The following GNPTAB variants were observed in gnomAD, a reference collection of about 807,000 sequenced individuals.
GNPTAB encodes the protein N-acetylglucosamine-1-phosphate transferase subunits alpha and beta, also known as N-acetylglucosamine-1-phosphotransferase subunits alpha/beta.
In GNPTAB, 92 loss-of-function variants were observed where a neutral mutation model predicts 136.6. The observed-to-expected ratio is 0.67, with a 90% confidence interval of 0.57 to 0.80. The LOEUF (loss-of-function observed/expected upper bound fraction) is 0.80. GNPTAB is among the 30% of genes least tolerant of loss of function. GNPTAB has a pLI of 0.00. For synonymous variants in GNPTAB, 512 were observed against 535.1 expected (o/e 0.96, Z 0.60); for missense variants, 1,343 against 1,501.8 (o/e 0.89, Z 1.75).
chr12:101,777,997 T>G (rs778521007), intron 7 of GNPTAB, among the ~76,000 whole-genome samples: 5 of 152,170 alleles, frequency 3.3e-5, no homozygotes, highest in Non-Finnish European at 5.9e-5. Context: ...CAAATAAATC[T>G]CTGACTGGGA....
chr12:101,818,316 AC>A (rs1299514372), intron 1 of GNPTAB, among the ~76,000 whole-genome samples: 1 of 149,816 alleles, frequency 6.7e-6, no homozygotes, highest in Non-Finnish European at 1.5e-5. Flanking sequence ...TTGCCTGTCC[AC>A]CTCCCTGCCT....
In GNPTAB at chr12:101,770,495, A is replaced by AT. The variant is rs1483442512; in HGVS notation, c.1023dup (p.Trp342MetfsTer20). 1 of 1,613,348 alleles carries AT rather than the reference A, an allele frequency of 6.2e-7. No homozygotes were observed. The highest frequency in any genetic ancestry group is 1.3e-5 in the African/African-American group (1 of 74,916). On this transcript the variant is annotated frameshift_variant, in exon 9 of 21. Transcript: ENST00000299314. LOFTEE classifies it high-confidence loss of function. ...GTGACAATGAAAATATTCCGAACCC[A>AT]TGGTGCATGCCTCTCGATAGATCGC...
chr12:101,825,084 C>A (rs1252184492), intron 1 of GNPTAB, among the ~76,000 whole-genome samples: 3 of 152,216 alleles, frequency 2.0e-5, no homozygotes, highest in African/African-American at 7.2e-5. Context: ...CCACAACATT[C>A]TTCTGTCTTC....
chr12:101,795,556 C>A (rs1254194187), intron 2 of GNPTAB, among the ~76,000 whole-genome samples: 1 of 152,042 alleles, frequency 6.6e-6, no homozygotes, highest in Admixed American at 6.6e-5. Context: ...AGTTTGAGAC[C>A]AGCCTGGACA....
chr12:101,760,208 T>C (rs1952972711), intron 15 of GNPTAB, 65 bp from the exon 16 acceptor site: 3 of 1,036,606 alleles, frequency 2.9e-6, no homozygotes, highest in Non-Finnish European at 3.0e-6. Context: ...GTTTTAAAAA[T>C]AAAAATTAAG....
intron 18 of GNPTAB, 68 bp from the exon 19 acceptor site, chr12:101,753,607 T>C (rs1267561812): frequency 7.9e-7 from 1 of 1,261,850 alleles, no homozygotes; most frequent in East Asian, 2.3e-5. Flanking sequence ...AACAAGGATG[T>C]GGATTCCAAA....
intron 1 of GNPTAB, among the ~76,000 whole-genome samples, chr12:101,824,432 A>ATTTT (rs1555276244): frequency 3.9e-5 from 2 of 50,882 alleles, no homozygotes; most frequent in Non-Finnish European, 7.0e-5. Context: ...ATATATATAT[A>ATTTT]TTTTCTTTTT....
At chr12:101,824,432 A>ATATT (rs1188582277) in intron 1 of GNPTAB, among the ~76,000 whole-genome samples, 13 of 50,836 alleles carry the variant, frequency 2.6e-4, no homozygotes, top group African/African-American at 4.2e-4. Flanking sequence ...ATATATATAT[A>ATATT]TTTTCTTTTT....
chr12:101,784,923 G>C (rs1332388418), intron 5 of GNPTAB, among the ~76,000 whole-genome samples: 1 of 152,192 alleles, frequency 6.6e-6, no homozygotes. Context: ...CAAGAGGCTA[G>C]AGCAGAAGAC....
intron 5 of GNPTAB, 134 bp from the exon 6 acceptor site, chr12:101,780,755 G>A (rs1446906200): frequency 5.7e-6 from 4 of 702,474 alleles, no homozygotes; most frequent in African/African-American, 3.6e-5. Flanking sequence ...GAAGCTGAAG[G>A]AGACAAAATT....
intron 1 of GNPTAB, among the ~76,000 whole-genome samples, chr12:101,801,539 C>CAAAAAAAAAAAAAAAA (rs36066248): frequency 2.3e-5 from 1 of 42,580 alleles, no homozygotes; most frequent in African/African-American, 7.0e-5. Context: ...GACCCTGTCT[C>CAAAAAAAAAAAAAAAA]AAAAAAAAAA....
intron 2 of GNPTAB, among the ~76,000 whole-genome samples, chr12:101,792,354 A>C (rs926263065): frequency 1.3e-5 from 2 of 152,222 alleles, no homozygotes; most frequent in Admixed American, 1.3e-4. Context: ...AAGAGATAAC[A>C]GAGTTCCAGA....
At chr12:101,756,957 C>G (rs551430122) in intron 18 of GNPTAB, 2 of 363,324 alleles carry the variant, frequency 5.5e-6, no homozygotes, top group Admixed American at 8.5e-5. Context: ...CCCCACAATG[C>G]GATCTGTCCC....
intron 7 of GNPTAB, among the ~76,000 whole-genome samples, chr12:101,772,350 CTCT>C (rs979122632): frequency 3.9e-5 from 6 of 152,190 alleles, no homozygotes; most frequent in Non-Finnish European, 7.4e-5. Flanking sequence ...TTATTCTGAG[CTCT>C]TCTATTTGCT....
At position 101,761,567 on chromosome 12, in the gene GNPTAB, T is replaced by C; in HGVS notation, c.2912A>G (p.Asp971Gly). ...IDRIVMQELQDMFPEEFDKTS... is the reference protein window; with the variant it reads ...IDRIVMQELQGMFPEEFDKTS... Reference sequence around the variant, plus strand: ...CTCAAACACGAGCAAGACTTACATATCTTGCAGTTCTTGCATAACAATCCG... The same window carrying C: ...CTCAAACACGAGCAAGACTTACATACCTTGCAGTTCTTGCATAACAATCCG... Residue 971 changes from aspartate (D) to glycine (G), a missense_variant, in exon 14 of 21, where the codon GAT (aspartate) becomes GGT (glycine). Transcript: ENST00000299314. The C allele has an allele frequency of 1.2e-6, 2 of 1,613,514 alleles. No homozygotes were observed. The highest frequency in any genetic ancestry group is 1.7e-6 in the Non-Finnish European group (2 of 1,179,420).
chr12:101,806,542 T>C (rs1242974691), intron 1 of GNPTAB, among the ~76,000 whole-genome samples: 1 of 152,196 alleles, frequency 6.6e-6, no homozygotes, highest in African/African-American at 2.4e-5. Flanking sequence ...TAATTAAAAA[T>C]AGCTAAAATG....
Position 101,807,277 on chromosome 12 carries a change from C to T in GNPTAB, c.118-10515G>A, listed in dbSNP as rs1329719293. On this transcript the variant is annotated intron_variant, in intron 1 of 20. Transcript: ENST00000299314. ...GCAAACTAGGAATACAGGAGAACTT[C>T]CTCAGTTTGATAGAGCATCCACAAA... Among the ~76,000 whole-genome samples the T allele has an allele frequency of 3.9e-5, 6 of 152,240 alleles. No homozygotes were observed. The East Asian group carries it at 1.2e-3, about 29-fold the overall frequency.
intron 1 of GNPTAB, among the ~76,000 whole-genome samples, chr12:101,801,561 A>C (rs928460769): frequency 1.4e-5 from 2 of 146,536 alleles, no homozygotes; most frequent in Admixed American, 6.7e-5. Context: ...AAAAAAAAAA[A>C]AAAAAACTGG....
chr12:101,807,907 G>A (rs1870015804), intron 1 of GNPTAB, among the ~76,000 whole-genome samples: 2 of 152,052 alleles, frequency 1.3e-5, no homozygotes, highest in African/African-American at 4.8e-5. Flanking sequence ...TAAAAACAAA[G>A]TTAACATACA....
Sources: gnomAD v4.1 joint callset for allele counts (sites outside exome capture counted in the v4.1 genomes callset) on GRCh38, gnomAD v4.1.1 for gene constraint, MANE v1.5 for transcripts, NCBI Gene and HGNC (gene_info 2026-07-23, HGNC 2026-07-21) for gene names.